The following CTNNA2 variants were observed in gnomAD, a reference collection of about 807,000 sequenced individuals.
CTNNA2 encodes catenin alpha 2, also known as catenin alpha-2.
A neutral mutation model predicts 101.0 loss-of-function variants in CTNNA2; 42 were observed. The ratio of observed to expected loss-of-function variants is 0.42; its 90% CI spans 0.32 to 0.54. CTNNA2 has a LOEUF of 0.54. Among genes scored for constraint, CTNNA2 ranks in the 20% least tolerant of loss-of-function variants. The probability of loss-of-function intolerance (pLI) is 0.14; values close to 1 mark genes in which losing one functional copy is unlikely to be tolerated. For synonymous variants in CTNNA2, 450 were observed against 456.4 expected, an observed-to-expected ratio of 0.99 and a Z score of 0.18; for missense variants, 871 against 1,223.1, an observed-to-expected ratio of 0.71 and a Z score of 4.29.
intron 8 of CTNNA2, among the ~76,000 whole-genome samples, chr2:80,415,030 T>C (rs902120527): frequency 2.0e-5 from 3 of 152,146 alleles, no homozygotes; most frequent in East Asian, 1.9e-4. Context: ...GCAGAGTTTG[T>C]AGGAAAATAA....
At chr2:79,729,189 G>C (rs1049235713) in intron 2 of CTNNA2, among the ~76,000 whole-genome samples, 1 of 152,152 alleles carries the variant, frequency 6.6e-6, no homozygotes, top group East Asian at 1.9e-4. Flanking sequence ...CTGGTCTGGG[G>C]CTCAAGTTCA....
At chr2:80,323,766 G>A (rs946905736) in intron 7 of CTNNA2, among the ~76,000 whole-genome samples, 6 of 151,938 alleles carry the variant, frequency 3.9e-5, no homozygotes, top group Non-Finnish European at 8.8e-5. Context: ...CATCTGCCTG[G>A]GTTTCAAGCC....
At chr2:79,551,987 C>T (rs1674132247) in intron 1 of CTNNA2, among the ~76,000 whole-genome samples, 2 of 152,036 alleles carry the variant, frequency 1.3e-5, no homozygotes. Context: ...ACCTCTGGCC[C>T]CTCCCAAATC....
intron 3 of CTNNA2, among the ~76,000 whole-genome samples, chr2:79,852,882 G>C (rs563285902): frequency 6.6e-6 from 1 of 150,578 alleles, no homozygotes; most frequent in South Asian, 2.1e-4. Flanking sequence ...GAGCCACCGC[G>C]CACAGCCGCA....
chr2:79,758,040 T>A (rs1383718703), intron 3 of CTNNA2, among the ~76,000 whole-genome samples: 1 of 152,130 alleles, frequency 6.6e-6, no homozygotes, highest in Non-Finnish European at 1.5e-5. Context: ...AATGACAAAA[T>A]TGTATTTTTA....
At chr2:80,199,049 T>C (rs1400044407) in intron 7 of CTNNA2, among the ~76,000 whole-genome samples, 2 of 151,318 alleles carry the variant, frequency 1.3e-5, no homozygotes, top group African/African-American at 4.9e-5. Flanking sequence ...GGTGTGGTGG[T>C]GCATGCCTGT....
chr2:80,101,956 T>C (rs1231319971), intron 7 of CTNNA2, among the ~76,000 whole-genome samples: 2 of 152,320 alleles, frequency 1.3e-5, no homozygotes, highest in Admixed American at 6.5e-5. Context: ...TAGATTCTTA[T>C]AGGACCATGC....
At chr2:80,109,901 T>G (rs1447264635) in intron 7 of CTNNA2, among the ~76,000 whole-genome samples, 1 of 152,230 alleles carries the variant, frequency 6.6e-6, no homozygotes, top group Non-Finnish European at 1.5e-5. Context: ...GTTGTCTATG[T>G]GACTTGTTGA....
intron 3 of CTNNA2, among the ~76,000 whole-genome samples, chr2:79,770,529 C>G (rs1399336477): frequency 6.6e-6 from 1 of 152,104 alleles, no homozygotes; most frequent in African/African-American, 2.4e-5. Context: ...AGGCATACCA[C>G]AAAAATACTG....
At chr2:79,953,588 C>T (rs144573966) in intron 7 of CTNNA2, among the ~76,000 whole-genome samples, 5 of 152,306 alleles carry the variant, frequency 3.3e-5, no homozygotes, top group East Asian at 1.9e-4. Context: ...TGGTGAAGTA[C>T]GACTGACACA....
intron 2 of CTNNA2, among the ~76,000 whole-genome samples, chr2:79,737,241 C>T (rs1022280934): frequency 4.0e-5 from 6 of 151,404 alleles, no homozygotes; most frequent in East Asian, 1.9e-4. Flanking sequence ...CCCAGCTACT[C>T]GGGAGGCTGA....
chr2:79,469,896 A>G (rs1670979710), intron 4 of CTNNA2, among the ~76,000 whole-genome samples: 2 of 152,206 alleles, frequency 1.3e-5, no homozygotes, highest in African/African-American at 4.8e-5. Context: ...GAAAAGAGCT[A>G]TTTATGACAT....
At chr2:79,848,493 C>A (rs974801276) in intron 3 of CTNNA2, among the ~76,000 whole-genome samples, 1 of 152,138 alleles carries the variant, frequency 6.6e-6, no homozygotes. Flanking sequence ...CATATTGCGG[C>A]TTCATAATCT....
chr2:79,663,193 C>A (rs986750565), intron 2 of CTNNA2, among the ~76,000 whole-genome samples: 1 of 152,182 alleles, frequency 6.6e-6, no homozygotes, highest in Non-Finnish European at 1.5e-5. Context: ...TGGTTCCAAA[C>A]ACAAGTCCTC....
intron 7 of CTNNA2, among the ~76,000 whole-genome samples, chr2:80,158,364 A>G (rs1558861511): frequency 6.6e-6 from 1 of 152,194 alleles, no homozygotes. Context: ...TTCACATGTC[A>G]TAAATAATAC....
intron 7 of CTNNA2, among the ~76,000 whole-genome samples, chr2:80,149,023 A>ATTTTTTTTT (rs34431691): frequency 8.0e-6 from 1 of 124,804 alleles, no homozygotes; most frequent in Non-Finnish European, 1.7e-5. Context: ...TTATTTTGTT[A>ATTTTTTTTT]TTTTTTTTTT....
At chr2:80,516,495 A>G (rs1342038621) in intron 9 of CTNNA2, among the ~76,000 whole-genome samples, 1 of 152,124 alleles carries the variant, frequency 6.6e-6, no homozygotes, top group African/African-American at 2.4e-5. Flanking sequence ...TCCTCAAAGC[A>G]CCTCAAATAG....
In CTNNA2 at chr2:80,501,778, T is replaced by C. The variant is rs149497182; in HGVS notation, c.1291-43204T>C. On this transcript the variant is annotated intron_variant, in intron 9 of 18. Coordinates refer to ENST00000402739, the MANE Select transcript of CTNNA2 (RefSeq NM_001282597.3). ...AACTCAGATCTATCCCAAAAGGTGCTCTGGAGCATAACTTACAAGAGACCA... is the reference window on the plus strand; with the variant it reads ...AACTCAGATCTATCCCAAAAGGTGCCCTGGAGCATAACTTACAAGAGACCA... 8.5e-5 allele frequency among the ~76,000 whole-genome samples: 13 copies of C among 152,238 alleles called. No homozygotes were observed. The East Asian group carries it at 1.9e-3, about 23-fold the overall frequency.
chr2:79,555,024 C>T (rs1383427691), intron 1 of CTNNA2, among the ~76,000 whole-genome samples: 1 of 152,148 alleles, frequency 6.6e-6, no homozygotes, highest in Admixed American at 6.6e-5. Context: ...GGCTAAAGCC[C>T]AGTGCCACCC....
Sources: allele counts gnomAD v4.1 joint callset (sites outside exome capture counted in the v4.1 genomes callset), GRCh38; gene constraint gnomAD v4.1.1; transcripts MANE v1.5; gene names NCBI Gene and HGNC (gene_info 2026-07-23, HGNC 2026-07-21).